Variants in ST7L observed in about 807,000 individuals in gnomAD.
The protein encoded by ST7L is suppression of tumorigenicity 7 like.
A neutral mutation model predicts 72.5 loss-of-function variants in ST7L; 57 were observed. The ratio of observed to expected loss-of-function variants is 0.79; its 90% confidence interval spans 0.64 to 0.98. The LOEUF (loss-of-function observed/expected upper bound fraction) is 0.98, where lower values mean the gene tolerates loss of function less well. ST7L is among the 50% of genes least tolerant of loss of function. The pLI is 0.00. For missense variants in ST7L, 576 were observed against 672.2 expected (o/e 0.86, Z 1.58); for synonymous variants, 221 against 240.9 (o/e 0.92, Z 0.77).
At chr1:112,558,103 C>T (rs1355403720) in intron 11 of ST7L, among the ~76,000 whole-genome samples, 1 of 152,156 alleles carries the variant, frequency 6.6e-6, no homozygotes, top group East Asian at 1.9e-4. Context: ...AAGACTGAGA[C>T]CAGAATGCAC....
chr1:112,616,412 C>A (rs1451167120), intron 2 of ST7L, among the ~76,000 whole-genome samples: 1 of 152,204 alleles, frequency 6.6e-6, no homozygotes, highest in East Asian at 1.9e-4. Flanking sequence ...AAATGCTAAT[C>A]CATAGGTAAT....
intron 5 of ST7L, among the ~76,000 whole-genome samples, chr1:112,593,119 G>GT: frequency 6.6e-6 from 1 of 151,914 alleles, no homozygotes; most frequent in East Asian, 1.9e-4. Context: ...TTTCATTTGT[G>GT]TTTTTTTAAA....
chr1:112,578,739 G>A (rs146423956), intron 9 of ST7L, among the ~76,000 whole-genome samples: 3,240 of 152,002 alleles, frequency 0.021, 118 homozygotes, highest in African/African-American at 0.073. Context: ...GCGCCATTGC[G>A]CTCCAGCCTG....
chr1:112,520,592 C>A, downstream of ST7L: 1 of 1,375,644 alleles, frequency 7.3e-7, no homozygotes, highest in Non-Finnish European at 1.0e-6. Context: ...CCTTCCTCCA[C>A]CCTCCACCCT....
chr1:112,619,305 A>C (rs1670466332), upstream of ST7L: 3 of 618,186 alleles, frequency 4.9e-6, no homozygotes, highest in South Asian at 3.9e-5. Context: ...TTCGTGGGGC[A>C]GGGAAGGGGC....
At chr1:112,530,767 C>T (rs1057468649) in intron 14 of ST7L, among the ~76,000 whole-genome samples, 1 of 152,112 alleles carries the variant, frequency 6.6e-6, no homozygotes, top group Non-Finnish European at 1.5e-5. Context: ...AGTGATCCAG[C>T]TAGTCTGTTA....
At chr1:112,617,812 T>A (rs1223676076) in intron 1 of ST7L, among the ~76,000 whole-genome samples, 1 of 152,076 alleles carries the variant, frequency 6.6e-6, no homozygotes, top group African/African-American at 2.4e-5. Flanking sequence ...AAATGTTGCA[T>A]ATGGTTAACG....
intron 13 of ST7L, among the ~76,000 whole-genome samples, chr1:112,542,897 T>C (rs1656389233): frequency 6.6e-6 from 1 of 152,120 alleles, no homozygotes; most frequent in Non-Finnish European, 1.5e-5. Flanking sequence ...CCACCCAGGT[T>C]CAAGTGACTC....
chr1:112,544,552 ACTT>A (rs1202653021), intron 13 of ST7L, among the ~76,000 whole-genome samples: 4 of 152,320 alleles, frequency 2.6e-5, no homozygotes, highest in Admixed American at 6.5e-5. Context: ...TGAGAGGCCA[ACTT>A]CTTCTTCTTC....
intron 13 of ST7L, among the ~76,000 whole-genome samples, chr1:112,547,089 A>G (rs1657204768): frequency 6.6e-6 from 1 of 151,942 alleles, no homozygotes; most frequent in African/African-American, 2.4e-5. Context: ...TCCTCCTGAT[A>G]TAGGATAGAT....
intron 3 of ST7L, among the ~76,000 whole-genome samples, chr1:112,602,045 T>C (rs1445240716): frequency 2.7e-5 from 4 of 146,328 alleles, no homozygotes; most frequent in African/African-American, 7.7e-5. Flanking sequence ...GATCGCACCA[T>C]TGCATTCCAG....
chr1:112,616,038 G>A (rs1374144420), intron 2 of ST7L, among the ~76,000 whole-genome samples: 2 of 152,058 alleles, frequency 1.3e-5, no homozygotes, highest in Non-Finnish European at 2.9e-5. Flanking sequence ...CGTCCGGCCT[G>A]TCTGGGTTCT....
chr1:112,555,990 A>G lies in ST7L; in HGVS notation c.1274T>C (p.Leu425Ser). 6.2e-7 allele frequency: 1 copy of G among 1,605,044 alleles called. No homozygotes were observed. The highest frequency in any genetic ancestry group is 1.1e-5 in the South Asian group (1 of 89,488). Residue 425 changes from leucine (L) to serine (S), a missense_variant, in exon 12 of 15, where the codon TTA becomes TCA. Around this residue, in one of 3 missense-constraint regions of ST7L, gnomAD observed 511 missense variants for 600.7 expected, o/e 0.85. Transcript: ENST00000358039. ...KYLLEMKSLI[L>S]PPEHILKRGD... The stretch of plus-strand genomic sequence containing the variant: ...CCGTTTCAGAATGTGTTCTGGAGGT[A>G]AAATTAAACTTTTCATCTCTAATAA...
chr1:112,587,302 GCC>G (rs1463867610), intron 6 of ST7L, among the ~76,000 whole-genome samples: 1 of 152,032 alleles, frequency 6.6e-6, no homozygotes, highest in African/African-American at 2.4e-5. Flanking sequence ...TGGTTTTGAC[GCC>G]CTTGTCAAAA....
chr1:112,578,302 T>G, intron 10 of ST7L, 43 bp downstream of exon 10: 1 of 1,534,618 alleles, frequency 6.5e-7, no homozygotes, highest in Non-Finnish European at 9.0e-7. Flanking sequence ...TAATACTGAG[T>G]TTAGCAGTCT....
intron 9 of ST7L, among the ~76,000 whole-genome samples, chr1:112,581,403 T>C (rs2101871725): frequency 6.6e-6 from 1 of 150,684 alleles, no homozygotes; most frequent in African/African-American, 2.4e-5. Flanking sequence ...CCCGTCTTTT[T>C]TTTTTTTTTT....
chr1:112,560,811 A>C (rs1186322113), intron 11 of ST7L, among the ~76,000 whole-genome samples: 2 of 151,870 alleles, frequency 1.3e-5, no homozygotes, highest in Non-Finnish European at 2.9e-5. Context: ...AAGACACAAA[A>C]AATTAGCCAG....
chr1:112,528,601 A>C (rs1653848904), intron 14 of ST7L: 1 of 152,354 alleles, frequency 6.6e-6, no homozygotes, highest in African/African-American at 2.4e-5. Context: ...CAAATATCCT[A>C]TCCAGTACTG....
chr1:112,552,070 AC>A (rs901498771), intron 12 of ST7L, among the ~76,000 whole-genome samples: 3 of 152,184 alleles, frequency 2.0e-5, no homozygotes, highest in Admixed American at 1.3e-4. Context: ...GCAGGAACCC[AC>A]CCTGGACAGG....
Sources: gnomAD v4.1 joint callset for allele counts (sites outside exome capture counted in the v4.1 genomes callset) on GRCh38, gnomAD v4.1.1 for gene constraint, gnomAD v4.1.1 regional missense constraint, MANE v1.5 for transcripts, NCBI Gene and HGNC (gene_info 2026-07-23, HGNC 2026-07-21) for gene names.